SNAP91: variants seen among roughly 807,000 people sequenced by gnomAD.
The protein encoded by SNAP91 is clathrin coat assembly protein AP180.
SNAP91 carries 27 observed loss-of-function variants against 100.3 expected under a neutral mutation model. That is an observed-to-expected ratio of 0.27 (90% confidence interval 0.20 to 0.37). SNAP91 has a LOEUF of 0.37. SNAP91 is among the 10% of genes least tolerant of loss of function. The pLI, the probability that SNAP91 is intolerant of heterozygous loss-of-function variation, is 1.00. For synonymous variants in SNAP91, 404 were observed against 398.6 expected (o/e 1.01, Z -0.16); for missense variants, 986 against 1,123.7 (o/e 0.88, Z 1.75).
chr6:83,625,445 G>A (rs2096896039), intron 8 of SNAP91, among the ~76,000 whole-genome samples: 2 of 152,240 alleles, frequency 1.3e-5, no homozygotes, highest in Non-Finnish European at 2.9e-5. Context: ...TCTATTGTTA[G>A]TTCTTTGAGA....
chr6:83,629,969 A>G (rs1166892753), intron 8 of SNAP91, among the ~76,000 whole-genome samples: 1 of 151,994 alleles, frequency 6.6e-6, no homozygotes, highest in African/African-American at 2.4e-5. Flanking sequence ...CCCATTCAGT[A>G]TTATGCTGGT....
At chr6:83,667,398 G>A (rs897714941) in intron 2 of SNAP91, among the ~76,000 whole-genome samples, 1 of 151,938 alleles carries the variant, frequency 6.6e-6, no homozygotes, top group African/African-American at 2.4e-5. Flanking sequence ...AATAATATAT[G>A]CAAACAGGTT....
Position 83,582,275 on chromosome 6 carries a change from G to T in SNAP91, c.2096C>A (p.Ala699Glu). The stretch of plus-strand genomic sequence containing the variant: ...AGTTGAAGGCGTTGTCCCAAAAGCT[G>T]CCTCAAAATTGGGCTGTAGCAGGTT... ...QNNLLQPNFE[A>E]AFGTTPSTSS... is the part of the protein sequence containing the mutation. The change falls in exon 23 of 30, where the codon GCA becomes GAA. Residue 699 changes from alanine (A) to glutamate (E), a missense_variant. By Grantham distance (107) the Ala-to-Glu change is moderately radical (BLOSUM62 -1). Transcript: ENST00000369694. 1.2e-6 allele frequency: 2 copies of T among 1,613,660 alleles called. No homozygotes were observed. Among genetic ancestry groups the T allele is most frequent in the Non-Finnish European group, 1.7e-6 (2 of 1,179,742 alleles).
At chr6:83,598,778 G>A (rs747194085) in intron 16 of SNAP91, among the ~76,000 whole-genome samples, 33 of 151,980 alleles carry the variant, frequency 2.2e-4, no homozygotes, top group Admixed American at 3.9e-4. Flanking sequence ...TTAAATCTCT[G>A]AATAATTTCT....
At chr6:83,618,623 A>G (rs1374095265) in intron 9 of SNAP91, among the ~76,000 whole-genome samples, 2 of 151,986 alleles carry the variant, frequency 1.3e-5, no homozygotes, top group Non-Finnish European at 2.9e-5. Flanking sequence ...AAAAAAATAA[A>G]TGGCTTCAAA....
chr6:83,592,850 A>G, intron 20 of SNAP91, 96 bp downstream of exon 20: 1 of 916,780 alleles, frequency 1.1e-6, no homozygotes, highest in East Asian at 2.6e-5. Flanking sequence ...TTTTAAATTT[A>G]AAAGAACTCA....
intron 2 of SNAP91, chr6:83,686,760 T>C (rs2099066978): frequency 6.6e-6 from 1 of 152,204 alleles, no homozygotes; most frequent in Non-Finnish European, 1.5e-5. Flanking sequence ...TAGTAGACCA[T>C]AATCAAACTT....
chr6:83,601,148 C>G, intron 16 of SNAP91, 123 bp downstream of exon 16: 2 of 763,008 alleles, frequency 2.6e-6, no homozygotes, highest in Non-Finnish European at 4.2e-6. Context: ...CATGAATAAA[C>G]ATTGAAAAAG....
At chr6:83,571,789 T>G (rs906831629) in intron 26 of SNAP91, among the ~76,000 whole-genome samples, 1 of 152,180 alleles carries the variant, frequency 6.6e-6, no homozygotes, top group Admixed American at 6.5e-5. Flanking sequence ...GGGAGCAGAA[T>G]GATATGGTTT....
At chr6:83,701,832 TCA>T (rs1374930597) in intron 2 of SNAP91, among the ~76,000 whole-genome samples, 5 of 152,204 alleles carry the variant, frequency 3.3e-5, no homozygotes, top group African/African-American at 1.2e-4. Flanking sequence ...AGGAGGATCC[TCA>T]CACATCTGGG....
Position 83,580,423 on chromosome 6 carries a change from A to G in SNAP91, c.2299+27T>C, listed in dbSNP as rs753733834. On this transcript the variant is annotated intron_variant, in intron 24 of 29. Transcript: ENST00000369694. ...CAATTCACATATGCTTCAGTTAAAG[A>G]AAAAAAAAAAAAACTAGATTACTCA... 4.2e-5 allele frequency: 13 copies of G among 308,446 alleles called. No individual in the cohort carries two copies. In the Admixed American group the frequency reaches 2.5e-3, roughly 60 times the overall value. The allele number at this position is 308,446 out of a possible 1,614,324, so 19.1% of individuals were successfully genotyped here. A position where few individuals can be genotyped will look rare whatever the true frequency, so the allele number is the denominator to read the frequency against.
chr6:83,704,564 C>T (rs749054204), intron 2 of SNAP91, among the ~76,000 whole-genome samples: 24 of 151,952 alleles, frequency 1.6e-4, no homozygotes, highest in Non-Finnish European at 2.5e-4. Flanking sequence ...TTATAAGTCA[C>T]CATGACTAAC....
At chr6:83,641,403 T>C (rs2128553250) in intron 7 of SNAP91, among the ~76,000 whole-genome samples, 1 of 152,294 alleles carries the variant, frequency 6.6e-6, no homozygotes, top group Non-Finnish European at 1.5e-5. Context: ...AAGATAATCA[T>C]CTGTCTCAAA....
chr6:83,677,088 T>C (rs2128881973), intron 2 of SNAP91, among the ~76,000 whole-genome samples: 1 of 152,304 alleles, frequency 6.6e-6, no homozygotes, highest in East Asian at 1.9e-4. Flanking sequence ...TGCTTGTATC[T>C]AGTTCATGTT....
intron 7 of SNAP91, among the ~76,000 whole-genome samples, chr6:83,656,478 C>T (rs1483130743): frequency 1.3e-5 from 2 of 152,158 alleles, no homozygotes; most frequent in African/African-American, 2.4e-5. Flanking sequence ...GGGACACCAG[C>T]CATCCACCAA....
At chr6:83,641,596 A>G (rs1185691451) in intron 7 of SNAP91, among the ~76,000 whole-genome samples, 1 of 152,206 alleles carries the variant, frequency 6.6e-6, no homozygotes, top group Non-Finnish European at 1.5e-5. Flanking sequence ...ATTAGCTCGC[A>G]ATAAACTAAT....
intron 2 of SNAP91, among the ~76,000 whole-genome samples, chr6:83,670,549 T>C (rs146273458): frequency 0.011 from 1,603 of 152,056 alleles, 96 homozygotes; most frequent in Admixed American, 0.096. Context: ...TGAAGTCCTA[T>C]TTATGGAGGT....
intron 26 of SNAP91, among the ~76,000 whole-genome samples, chr6:83,567,423 T>C (rs1364327255): frequency 2.0e-5 from 3 of 152,112 alleles, no homozygotes; most frequent in Admixed American, 2.0e-4. Context: ...GGCAATACCA[T>C]TCAGGACATA....
At chr6:83,574,773 T>C (rs536773148) in intron 26 of SNAP91, among the ~76,000 whole-genome samples, 1 of 152,248 alleles carries the variant, frequency 6.6e-6, no homozygotes, top group East Asian at 1.9e-4. Context: ...GCTTAGTTTT[T>C]TCATCTTGCT....
Sources: gnomAD v4.1 joint callset for allele counts (sites outside exome capture counted in the v4.1 genomes callset) on GRCh38, gnomAD v4.1.1 for gene constraint, MANE v1.5 for transcripts, NCBI Gene and HGNC (gene_info 2026-07-23, HGNC 2026-07-21) for gene names.